The following CHST3 variants were observed in gnomAD, a reference collection of about 807,000 sequenced individuals.
CHST3 encodes the protein carbohydrate sulfotransferase 3, also known as C6ST-1.
In CHST3, 20 loss-of-function variants were observed where a neutral mutation model predicts 35.4. The ratio of observed to expected loss-of-function variants is 0.57; its 90% CI spans 0.40 to 0.82. The LOEUF is 0.82. Among genes scored for constraint, CHST3 ranks in the 40% least tolerant of loss-of-function variants. CHST3 has a pLI of 0.00. For synonymous variants in CHST3, 334 were observed against 295.9 expected, an observed-to-expected ratio of 1.13 and a Z score of -1.32; for missense variants, 693 against 670.1, an observed-to-expected ratio of 1.03 and a Z score of -0.38.
rs767508669 is a variant in CHST3 at position 72,007,429 on chromosome 10, G to A, written c.398G>A (p.Arg133His). The part of the protein sequence containing the change: ...PPRPAVAGPR[R>H]HVLLMATTRT... ...AGACCGGCCGTGGCGGGGCCCCGGCGCCACGTGCTGCTCATGGCCACCACG... is the reference window on the plus strand; with the variant it reads ...AGACCGGCCGTGGCGGGGCCCCGGCACCACGTGCTGCTCATGGCCACCACG... The change falls in exon 3 of 3, where the codon CGC becomes CAC. Residue 133 changes from arginine (R) to histidine (H), a missense_variant. Physicochemically the swap from Arg to His is conservative, Grantham distance 29 (BLOSUM62 0). Coordinates refer to ENST00000373115, the MANE Select transcript of CHST3 (RefSeq NM_004273.5). The A allele has an allele frequency of 3.7e-6, 6 of 1,602,286 alleles. No individual in the cohort carries two copies. The highest frequency in any genetic ancestry group is 3.4e-6 in the Non-Finnish European group (4 of 1,178,546).
Position 71,964,499 on chromosome 10 carries a change from G to C in CHST3, c.-303G>C, listed in dbSNP as rs866403245. 6.6e-6 allele frequency: 1 copy of C among 152,122 alleles called. No individual in the cohort carries two copies. Among genetic ancestry groups the C allele is most frequent in the Non-Finnish European group, 1.5e-5 (1 of 68,030 alleles). 9.4% of individuals were successfully genotyped at this position (152,122 alleles called of 1,614,324 possible). A position where few individuals can be genotyped will look rare whatever the true frequency, so the allele number is the denominator to read the frequency against. On this transcript the variant is annotated 5_prime_UTR_variant, in exon 1 of 3. Coordinates refer to ENST00000373115, the MANE Select transcript of CHST3 (RefSeq NM_004273.5). ...GGCGCCGCTTCCCTTCCAGCGTGCC[G>C]ACCGGCCCCGCAGCGCCTCCATCCC... is the stretch of plus-strand genomic sequence containing the variant.
At chr10:71,986,226 T>C (rs1839845982) in intron 1 of CHST3, among the ~76,000 whole-genome samples, 1 of 152,162 alleles carries the variant, frequency 6.6e-6, no homozygotes, top group Non-Finnish European at 1.5e-5. Context: ...GGTAGTGAAG[T>C]TGGGTGCTCT....
At position 72,007,885 on chromosome 10, in the gene CHST3, C is replaced by G; in HGVS notation, c.854C>G (p.Pro285Arg). ...ATCCGGCAGCTGGAGTTCCTGCAGC[C>G]GCTGGCCGAGGACCCCCGCCTGGAC... ...VRIRQLEFLQPLAEDPRLDLR... is the reference protein window; with the variant it reads ...VRIRQLEFLQRLAEDPRLDLR... The change falls in exon 3 of 3, where the codon CCG (proline) becomes CGG (arginine). Residue 285 changes from proline (P) to arginine (R), a missense_variant. By Grantham distance (103) the Pro-to-Arg change is moderately radical (BLOSUM62 -2). Transcript: ENST00000373115. 1 of 1,587,430 alleles carries G rather than the reference C, an allele frequency of 6.3e-7. No homozygotes were observed. Among genetic ancestry groups the G allele is most frequent in the Non-Finnish European group, 8.6e-7 (1 of 1,168,068 alleles).
At position 72,005,784 on chromosome 10, in the gene CHST3, G is replaced by A; in HGVS notation, c.-59G>A. On this transcript the variant is annotated 5_prime_UTR_variant, in exon 2 of 3. It removes an upstream start codon present in the reference 5' UTR. Transcript: ENST00000373115. Reference sequence around the variant, plus strand: ...GACGGCAAGCTGGGTCCTGAGTGATGCCCCTCAGCTGAGTGTCCAAGGCTG... The same window carrying A: ...GACGGCAAGCTGGGTCCTGAGTGATACCCCTCAGCTGAGTGTCCAAGGCTG... The A allele has an allele frequency of 6.2e-7, 1 of 1,609,644 alleles. No individual in the cohort carries two copies. Among genetic ancestry groups the A allele is most frequent in the Non-Finnish European group, 8.5e-7 (1 of 1,176,630 alleles).
chr10:71,965,972 T>A (rs1839628656), intron 1 of CHST3, among the ~76,000 whole-genome samples: 1 of 152,112 alleles, frequency 6.6e-6, no homozygotes, highest in Non-Finnish European at 1.5e-5. Context: ...TGTATCTGGC[T>A]AAGATGGGGT....
intron 1 of CHST3, among the ~76,000 whole-genome samples, chr10:71,986,718 G>A (rs1839850457): frequency 6.6e-6 from 1 of 152,104 alleles, no homozygotes; most frequent in Non-Finnish European, 1.5e-5. Context: ...GATCGCCTGG[G>A]GCTGGTTCTA....
In CHST3 at chr10:71,969,185, C is replaced by A. The variant is rs145846197; in HGVS notation, c.-108+4491C>A. Among the ~76,000 whole-genome samples the A allele has an allele frequency of 3.3e-4, 51 of 152,292 alleles. No individual in the cohort carries two copies. The East Asian group carries it at 9.3e-3, about 28-fold the overall frequency. On this transcript the variant is annotated intron_variant, in intron 1 of 2. Coordinates refer to ENST00000373115, the MANE Select transcript of CHST3 (RefSeq NM_004273.5). The stretch of plus-strand genomic sequence containing the variant: ...CCGGAGCAGCCAGGGGAGGTGATAA[C>A]CACACGCTCATCTGGTCCCCAGCTC...
intron 1 of CHST3, among the ~76,000 whole-genome samples, chr10:72,002,744 G>A (rs959670671): frequency 2.6e-5 from 4 of 152,336 alleles, no homozygotes; most frequent in Admixed American, 1.3e-4. Context: ...TGTCAGTGGG[G>A]CAGGTGGCCT....
chr10:71,968,263 T>C (rs1349857659), intron 1 of CHST3, among the ~76,000 whole-genome samples: 1 of 152,234 alleles, frequency 6.6e-6, no homozygotes, highest in Non-Finnish European at 1.5e-5. Flanking sequence ...TTTTTTCATA[T>C]GTTTGTTGGA....
At chr10:71,986,613 C>T (rs998182894) in intron 1 of CHST3, among the ~76,000 whole-genome samples, 6 of 152,238 alleles carry the variant, frequency 3.9e-5, no homozygotes, top group Non-Finnish European at 7.3e-5. Flanking sequence ...TCCAGGTGTG[C>T]CCAGGCCCGA....
At chr10:71,966,780 A>G (rs2131734063) in intron 1 of CHST3, among the ~76,000 whole-genome samples, 1 of 152,300 alleles carries the variant, frequency 6.6e-6, no homozygotes, top group East Asian at 1.9e-4. Flanking sequence ...TTTCATCTCC[A>G]TTTTGCAGAT....
intron 1 of CHST3, among the ~76,000 whole-genome samples, chr10:71,970,317 G>A (rs551464472): frequency 1.8e-4 from 28 of 152,276 alleles, no homozygotes; most frequent in African/African-American, 6.7e-4. Flanking sequence ...TGGGCCCTAG[G>A]AAATTTATCA....
In CHST3 at chr10:71,966,856, G is replaced by A. The variant is rs977969130; in HGVS notation, c.-108+2162G>A. 2.6e-5 allele frequency among the ~76,000 whole-genome samples: 4 copies of A among 152,312 alleles called. 1 individual carries two copies. In the South Asian group the frequency reaches 8.3e-4, roughly 32 times the overall value. The stretch of plus-strand genomic sequence containing the variant: ...TGTCACACAGGTAGTGAGAGACAAA[G>A]CCAGTGTTTGTGTATTTGGTTTTTT... On this transcript the variant is annotated intron_variant, in intron 1 of 2. Transcript: ENST00000373115.
At chr10:71,998,517 C>T (rs1431005453) in intron 1 of CHST3, among the ~76,000 whole-genome samples, 1 of 152,266 alleles carries the variant, frequency 6.6e-6, no homozygotes, top group Non-Finnish European at 1.5e-5. Flanking sequence ...AGGTCCTGCA[C>T]TTCCTGCAGC....
At chr10:71,967,309 A>G (rs915609366) in intron 1 of CHST3, among the ~76,000 whole-genome samples, 1 of 151,846 alleles carries the variant, frequency 6.6e-6, no homozygotes, top group Non-Finnish European at 1.5e-5. Flanking sequence ...GTGGTTTTTG[A>G]TCCTCACCCT....
chr10:72,005,627 G>A, intron 1 of CHST3, 109 bp from the exon 2 acceptor site: 1 of 604,856 alleles, frequency 1.7e-6, no homozygotes, highest in South Asian at 1.9e-5. Flanking sequence ...AGTGGGTCTG[G>A]GGTCCTGGCT....
At chr10:71,984,215 G>A (rs1327308860) in intron 1 of CHST3, among the ~76,000 whole-genome samples, 2 of 152,158 alleles carry the variant, frequency 1.3e-5, no homozygotes, top group African/African-American at 2.4e-5. Context: ...TAGAGACGGG[G>A]TTTCATCATG....
intron 1 of CHST3, among the ~76,000 whole-genome samples, chr10:72,000,485 G>A (rs188429728): frequency 1.3e-5 from 2 of 151,964 alleles, no homozygotes; most frequent in Non-Finnish European, 1.5e-5. Flanking sequence ...GAGCTGGGGG[G>A]GCATTTGAGC....
chr10:72,007,771 G>A lies in CHST3; in HGVS notation c.740G>A (p.Cys247Tyr). The A allele has an allele frequency of 6.2e-7, 1 of 1,601,200 alleles. No individual in the cohort carries two copies. The highest frequency in any genetic ancestry group is 8.5e-7 in the Non-Finnish European group (1 of 1,179,662). The change falls in exon 3 of 3, where the codon TGC becomes TAC. Residue 247 changes from cysteine (C) to tyrosine (Y), a missense_variant. Coordinates refer to ENST00000373115, the MANE Select transcript of CHST3 (RefSeq NM_004273.5). ...AAGAAGGTCTTCGAGAAGTACCACT[G>A]CAAGAACCGCCGCTGCGGCCCCCTC... ...FVKKVFEKYHCKNRRCGPLNV... is the reference protein window; with the variant it reads ...FVKKVFEKYHYKNRRCGPLNV...
Sources: gnomAD v4.1 joint callset for allele counts (sites outside exome capture counted in the v4.1 genomes callset) on GRCh38, gnomAD v4.1.1 for gene constraint, MANE v1.5 for transcripts, NCBI Gene and HGNC (gene_info 2026-07-23, HGNC 2026-07-21) for gene names.